CPAP: variants seen among roughly 807,000 people sequenced by gnomAD.
CPAP encodes centrosomal P4.1-associated protein.
At chr13:24,919,977 G>A in the CPAP span, among the ~76,000 whole-genome samples, 1 of 151,670 alleles carries the variant, frequency 6.6e-6, no homozygotes, top group African/African-American at 2.4e-5. Context: ...TCCCTATGTT[G>A]CCCAGGCTGA....
At chr13:24,915,273 A>G in the CPAP span, among the ~76,000 whole-genome samples, 16 of 152,136 alleles carry the variant, frequency 1.1e-4, no homozygotes, top group African/African-American at 2.9e-4. Context: ...GAAATGCGGA[A>G]GATGGAGGAT....
At chr13:24,907,339 C>T in the CPAP span, 7 of 672,308 alleles carry the variant, frequency 1.0e-5, no homozygotes, top group Non-Finnish European at 1.9e-5. Context: ...CTAACAAAAG[C>T]CACAATCCCT....
At chr13:24,889,075 A>C in the CPAP span, 2 of 501,090 alleles carry the variant, frequency 4.0e-6, no homozygotes, top group Non-Finnish European at 7.1e-6. Flanking sequence ...ATGCTCGACC[A>C]GTATAACAAT....
chr13:24,918,871 C>T, the CPAP span, among the ~76,000 whole-genome samples: 4 of 151,980 alleles, frequency 2.6e-5, no homozygotes, highest in East Asian at 1.9e-4. Flanking sequence ...CAAGCATAAG[C>T]GAACCCACAA....
the CPAP span, among the ~76,000 whole-genome samples, chr13:24,932,848 T>G: frequency 2.6e-5 from 4 of 152,252 alleles, no homozygotes; most frequent in Admixed American, 2.0e-4. Flanking sequence ...TGTTGCAAGC[T>G]ATGATATTCA....
the CPAP span, among the ~76,000 whole-genome samples, chr13:24,900,843 G>C: frequency 1.3e-5 from 2 of 152,210 alleles, no homozygotes; most frequent in Middle Eastern, 3.2e-3. Flanking sequence ...TGGACTGAGA[G>C]AGCAAGAGAA....
At chr13:24,916,051 T>C in the CPAP span, among the ~76,000 whole-genome samples, 2 of 151,938 alleles carry the variant, frequency 1.3e-5, no homozygotes, top group Non-Finnish European at 2.9e-5. Context: ...GAATAAGAAA[T>C]TGAAGGCAGT....
At chr13:24,920,049 GGT>G in the CPAP span, among the ~76,000 whole-genome samples, 1 of 152,180 alleles carries the variant, frequency 6.6e-6, no homozygotes, top group Non-Finnish European at 1.5e-5. Context: ...TGGTATTACA[GGT>G]GTGAGTCACT....
the CPAP span, among the ~76,000 whole-genome samples, chr13:24,900,379 AATTCCAGCACTTT>A: frequency 6.6e-6 from 1 of 152,220 alleles, no homozygotes; most frequent in African/African-American, 2.4e-5. Flanking sequence ...TCACTCCTGT[AATTCCAGCACTTT>A]GGGAGGCCGA....
chr13:24,917,111 G>A, the CPAP span, among the ~76,000 whole-genome samples: 4 of 152,064 alleles, frequency 2.6e-5, no homozygotes, highest in African/African-American at 7.2e-5. Flanking sequence ...TTAGCCGGGG[G>A]TGGTGGCGGG....
the CPAP span, among the ~76,000 whole-genome samples, chr13:24,919,965 T>C: frequency 2.0e-5 from 3 of 151,924 alleles, no homozygotes; most frequent in Non-Finnish European, 2.9e-5. Flanking sequence ...AGAAACAGGG[T>C]GTCCCTATGT....
At chr13:24,924,335 A>G in the CPAP span, among the ~76,000 whole-genome samples, 3 of 79,648 alleles carry the variant, frequency 3.8e-5, no homozygotes, top group African/African-American at 1.2e-4. Flanking sequence ...AATATCCTCT[A>G]TTTTTGTGCC....
At chr13:24,889,416 T>G in the CPAP span, 20 of 1,526,438 alleles carry the variant, frequency 1.3e-5, no homozygotes, top group Middle Eastern at 3.4e-4. Flanking sequence ...GTATAAGAGA[T>G]AATTTTTTAT....
chr13:24,910,566 C>A, the CPAP span, among the ~76,000 whole-genome samples: 2 of 152,096 alleles, frequency 1.3e-5, no homozygotes, highest in African/African-American at 2.4e-5. Context: ...TAAATACAGC[C>A]CATATAACAA....
chr13:24,892,913 C>A, the CPAP span: 1 of 1,318,224 alleles, frequency 7.6e-7, no homozygotes, highest in South Asian at 1.2e-5. Flanking sequence ...ACTACATTAC[C>A]AGAATTAAAA....
chr13:24,911,349 C>T, the CPAP span, among the ~76,000 whole-genome samples: 4 of 152,282 alleles, frequency 2.6e-5, no homozygotes, highest in South Asian at 6.2e-4. Context: ...TGACGCTTTC[C>T]GTTAACTGAT....
chr13:24,915,575 G>A, the CPAP span, among the ~76,000 whole-genome samples: 20 of 152,272 alleles, frequency 1.3e-4, no homozygotes, highest in Middle Eastern at 3.4e-3. Context: ...AGGCCGAGGC[G>A]GGTGGATCAC....
the CPAP span, chr13:24,889,036 G>A: frequency 4.7e-6 from 2 of 426,148 alleles, no homozygotes; most frequent in South Asian, 2.5e-5. Context: ...TGAGCATCAT[G>A]CTTGCCCTCA....
the CPAP span, chr13:24,886,387 T>C: frequency 1.6e-6 from 2 of 1,288,266 alleles, no homozygotes; most frequent in Non-Finnish European, 2.0e-6. Flanking sequence ...GTGCTGTGCC[T>C]GTGAGACAGG....
Sources: gnomAD v4.1 joint callset for allele counts (sites outside exome capture counted in the v4.1 genomes callset) on GRCh38, gnomAD v4.1.1 for gene constraint, MANE v1.5 for transcripts, NCBI Gene and HGNC (gene_info 2026-07-23, HGNC 2026-07-21) for gene names.